The following VWA3B variants were observed in gnomAD, a reference collection of about 807,000 sequenced individuals.
VWA3B encodes the protein von Willebrand factor A domain-containing protein 3B.
In VWA3B, 138 loss-of-function variants were observed where a neutral mutation model predicts 158.3. The observed-to-expected ratio is 0.87, with a 90% confidence interval of 0.76 to 1.00. The LOEUF is 1.00. Ranked by LOEUF, VWA3B falls within the 50% of genes least tolerant of loss-of-function variation. The pLI is 0.00. For missense variants in VWA3B, 1,555 were observed against 1,565.1 expected, an observed-to-expected ratio of 0.99 and a Z score of 0.11; for synonymous variants, 596 against 587.3, an observed-to-expected ratio of 1.01 and a Z score of -0.21.
At chr2:98,179,121 G>A (rs1438504207) in intron 8 of VWA3B, 9 of 440,254 alleles carry the variant, frequency 2.0e-5, no homozygotes, top group Admixed American at 1.0e-4. Flanking sequence ...CCTACCAAGC[G>A]GCCATCGCCC....
intron 9 of VWA3B, among the ~76,000 whole-genome samples, chr2:98,181,430 G>T (rs887640642): frequency 6.6e-6 from 1 of 152,242 alleles, no homozygotes; most frequent in African/African-American, 2.4e-5. Flanking sequence ...CTAGACATCA[G>T]TGAGTTGTAC....
chr2:98,139,385 C>T (rs7570855), intron 7 of VWA3B, among the ~76,000 whole-genome samples: 13,313 of 152,326 alleles, frequency 0.087, 760 homozygotes, highest in East Asian at 0.16. Flanking sequence ...CTGAGGAGTG[C>T]GGGCGCACGG....
At chr2:98,222,447 C>A (rs1460046001) in intron 14 of VWA3B, among the ~76,000 whole-genome samples, 6 of 152,192 alleles carry the variant, frequency 3.9e-5, no homozygotes, top group Non-Finnish European at 8.8e-5. Context: ...CTGCCAGTGG[C>A]CCATCTGGGA....
At chr2:98,092,146 T>C (rs534220169) in intron 1 of VWA3B, among the ~76,000 whole-genome samples, 1 of 152,288 alleles carries the variant, frequency 6.6e-6, no homozygotes, top group African/African-American at 2.4e-5. Context: ...TGAGCTGTGG[T>C]CTGGTTCCCA....
intron 13 of VWA3B, among the ~76,000 whole-genome samples, chr2:98,213,821 T>G (rs566664234): frequency 1.3e-5 from 2 of 152,296 alleles, no homozygotes; most frequent in Non-Finnish European, 2.9e-5. Flanking sequence ...TGTATTTTTC[T>G]TTTTAATATA....
At chr2:98,182,441 A>G (rs572548677) in intron 9 of VWA3B, among the ~76,000 whole-genome samples, 1 of 152,330 alleles carries the variant, frequency 6.6e-6, no homozygotes, top group African/African-American at 2.4e-5. Flanking sequence ...GGAAGAAAAT[A>G]TAAAAACTGA....
chr2:98,207,828 G>A, intron 12 of VWA3B: 1 of 215,788 alleles, frequency 4.6e-6, no homozygotes, highest in East Asian at 1.2e-4. Flanking sequence ...AGCCACATGA[G>A]AACCTTGATT....
rs748390220 is a variant in VWA3B at position 98,119,586 on chromosome 2, G to A, written c.365G>A (p.Arg122Gln). ...CAAGCTGTGGAGAGCTACAAGCAGC[G>A]AATGGACTGGCTCACCAGCAAGAGC... The part of the protein sequence containing the change: ...LTQAVESYKQ[R>Q]MDWLTSKSRQ... Residue 122 changes from arginine to glutamine, a missense_variant, in exon 4 of 28, where the codon CGA becomes CAA. Physicochemically the swap from Arg to Gln is conservative, Grantham distance 43. Coordinates refer to ENST00000477737, the MANE Select transcript of VWA3B (RefSeq NM_144992.5). 1.4e-5 allele frequency: 23 copies of A among 1,613,982 alleles called. No individual in the cohort carries two copies. The highest frequency in any genetic ancestry group is 1.3e-4 in the African/African-American group (10 of 74,894).
At chr2:98,141,383 G>A (rs181474874) in intron 7 of VWA3B, among the ~76,000 whole-genome samples, 213 of 152,252 alleles carry the variant, frequency 1.4e-3, no homozygotes, top group Admixed American at 2.3e-3. Flanking sequence ...GGAAACTTCC[G>A]AAAGCCTTTT....
chr2:98,260,923 G>C (rs750016066), intron 21 of VWA3B, among the ~76,000 whole-genome samples: 1 of 151,342 alleles, frequency 6.6e-6, no homozygotes, highest in Non-Finnish European at 1.5e-5. Flanking sequence ...GTGTCTTTAG[G>C]TCTAAAGTGA....
chr2:98,172,544 C>T (rs979839980), intron 8 of VWA3B, among the ~76,000 whole-genome samples: 3 of 152,200 alleles, frequency 2.0e-5, no homozygotes, highest in South Asian at 2.1e-4. Context: ...CATGTCCCCA[C>T]CTAGGTCCAT....
intron 23 of VWA3B, chr2:98,292,221 A>C (rs1689538584): frequency 6.6e-6 from 1 of 152,084 alleles, no homozygotes; most frequent in Non-Finnish European, 1.5e-5. Flanking sequence ...CTGGGCGGCA[A>C]AGTGAGACTC....
chr2:98,211,483 C>T (rs1043007738), intron 12 of VWA3B, among the ~76,000 whole-genome samples: 2 of 152,194 alleles, frequency 1.3e-5, no homozygotes, highest in Non-Finnish European at 2.9e-5. Context: ...GATATGCCCA[C>T]ATGTACATTG....
intron 7 of VWA3B, among the ~76,000 whole-genome samples, chr2:98,143,851 AG>A (rs1559571139): frequency 1.3e-5 from 2 of 151,274 alleles, no homozygotes; most frequent in Non-Finnish European, 2.9e-5. Context: ...CCTTTGCTCA[AG>A]CAATCCTCCC....
intron 5 of VWA3B, chr2:98,121,941 C>G (rs1675002795): frequency 1.3e-5 from 2 of 154,486 alleles, no homozygotes; most frequent in African/African-American, 4.8e-5. Context: ...TGAATCTTTC[C>G]TAGTTACTCT....
intron 23 of VWA3B, among the ~76,000 whole-genome samples, chr2:98,296,401 T>C (rs1474061482): frequency 8.3e-6 from 1 of 121,106 alleles, no homozygotes; most frequent in Non-Finnish European, 2.0e-5. Context: ...GTAAAGTCAG[T>C]TTATGGTAGA....
At chr2:98,276,168 C>T (rs2105903695) in intron 22 of VWA3B, among the ~76,000 whole-genome samples, 1 of 152,324 alleles carries the variant, frequency 6.6e-6, no homozygotes, top group East Asian at 1.9e-4. Flanking sequence ...GAGATCTTTC[C>T]ACTCGTGGCA....
chr2:98,202,695 A>C (rs1334414744), intron 12 of VWA3B, among the ~76,000 whole-genome samples: 2 of 152,236 alleles, frequency 1.3e-5, no homozygotes, highest in African/African-American at 4.8e-5. Context: ...GACTTGGCCT[A>C]ATCTTAGATC....
At chr2:98,209,142 A>G (rs1389212383) in intron 12 of VWA3B, among the ~76,000 whole-genome samples, 1 of 147,508 alleles carries the variant, frequency 6.8e-6, no homozygotes, top group African/African-American at 2.5e-5. Context: ...CTTTTTTAGG[A>G]TTTTTCTTTG....
Sources: allele counts gnomAD v4.1 joint callset (sites outside exome capture counted in the v4.1 genomes callset), GRCh38; gene constraint gnomAD v4.1.1; transcripts MANE v1.5; gene names NCBI Gene and HGNC (gene_info 2026-07-23, HGNC 2026-07-21).